GJA5: variants seen among roughly 807,000 people sequenced by gnomAD.
GJA5 encodes gap junction protein alpha 5.
GJA5 carries 3 observed loss-of-function variants against 7.9 expected under a neutral mutation model. The ratio of observed to expected loss-of-function variants is 0.38; its 90% CI spans 0.17 to 0.99. The LOEUF is 0.99. GJA5 is among the 50% of genes least tolerant of loss of function. The pLI is 0.38. For missense variants in GJA5, 390 were observed against 457.9 expected, an observed-to-expected ratio of 0.85 and a Z score of 1.35; for synonymous variants, 193 against 181.0, an observed-to-expected ratio of 1.07 and a Z score of -0.53.
intron 1 of GJA5, among the ~76,000 whole-genome samples, chr1:147,772,860 A>G (rs1241211125): frequency 6.6e-6 from 1 of 151,310 alleles, no homozygotes; most frequent in Non-Finnish European, 1.5e-5. Context: ...TTCCATGCCT[A>G]GCAGAAGCAT....
upstream of GJA5, among the ~76,000 whole-genome samples, chr1:147,762,966 C>T (rs587733422): frequency 6.6e-6 from 1 of 152,372 alleles, no homozygotes; most frequent in South Asian, 2.1e-4. Flanking sequence ...CAATTTACCT[C>T]ACTGCTTTAG....
In GJA5 at chr1:147,758,313, C is replaced by T. The variant is rs1261537063; in HGVS notation, c.926G>A (p.Gly309Glu). Residue 309 changes from glycine (G) to glutamate (E), a missense_variant, in exon 2 of 2, where the codon GGG becomes GAG. By Grantham distance (98) the Gly-to-Glu change is moderately conservative. Coordinates refer to ENST00000579774, the MANE Select transcript of GJA5 (RefSeq NM_181703.4). ...ATAACGAACCTGGATGAAACCTTCC[C>T]CAGGAGTCTGCTCCTGACCTCGTAC... Reference protein sequence around the residue: ...EQVRGQEQTPGEGFIQVRYGQ... With the variant: ...EQVRGQEQTPEEGFIQVRYGQ... 6.2e-7 allele frequency: 1 copy of T among 1,614,140 alleles called. No individual in the cohort carries two copies. The highest frequency in any genetic ancestry group is 2.2e-5 in the East Asian group (1 of 44,868).
rs587752793 is a variant in GJA5, at chr1:147,757,975, C to T, written c.*187G>A. ...GGGAACTGCAGTCTGGGTGGGTTGTCACCTCTCTTACTATCCCAGAGCCCT... is the reference window on the plus strand; with the variant it reads ...GGGAACTGCAGTCTGGGTGGGTTGTTACCTCTCTTACTATCCCAGAGCCCT... On this transcript the variant is annotated 3_prime_UTR_variant, in exon 2 of 2. Transcript: ENST00000579774. 2.1e-4 allele frequency: 127 copies of T among 611,270 alleles called. 1 individual carries two copies. In the African/African-American group the frequency reaches 2.1e-3, roughly 10 times the overall value. 37.9% of individuals were successfully genotyped at this position (611,270 alleles called of 1,614,324 possible). A position where few individuals can be genotyped will look rare whatever the true frequency, so the allele number is the denominator to read the frequency against.
In GJA5 at chr1:147,757,239, G is replaced by A. The variant is rs1285081757; in HGVS notation, c.*923C>T. 6.6e-6 allele frequency: 1 copy of A among 152,222 alleles called. No homozygotes were observed. The highest frequency in any genetic ancestry group is 2.4e-5 in the African/African-American group (1 of 41,452). 9.4% of individuals were successfully genotyped at this position (152,222 alleles called of 1,614,324 possible). A position where few individuals can be genotyped will look rare whatever the true frequency, so the allele number is the denominator to read the frequency against. ...CCTCAGTGGCTGATGATCTGGTCAG[G>A]GTTCGAGAGAGGACAACAGCTTCTT... On this transcript the variant is annotated 3_prime_UTR_variant, in exon 2 of 2. Coordinates refer to ENST00000579774, the MANE Select transcript of GJA5 (RefSeq NM_181703.4).
chr1:147,759,617 C>A (rs1437537934), intron 1 of GJA5, among the ~76,000 whole-genome samples: 4 of 152,186 alleles, frequency 2.6e-5, no homozygotes, highest in Non-Finnish European at 5.9e-5. Context: ...GGATTTACAA[C>A]AAGCAGCCCA....
At chr1:147,762,106 AAGGT>A (rs1370308776), upstream of GJA5, among the ~76,000 whole-genome samples, 7 of 152,216 alleles carry the variant, frequency 4.6e-5, no homozygotes, top group Admixed American at 4.6e-4. Context: ...AACTGAATAA[AAGGT>A]AGCCATTACT....
chr1:147,758,996 C>T lies in GJA5; in HGVS notation c.243G>A (p.Gln81=). 6.2e-7 allele frequency: 1 copy of T among 1,614,240 alleles called. No homozygotes were observed. The highest frequency in any genetic ancestry group is 8.5e-7 in the Non-Finnish European group (1 of 1,180,034). Reference sequence around the variant, plus strand: ...GAGAGGGCGTGGAGACGAAGATGATCTGCAGCACCCAGTAGCGAATGTGGG... The same window carrying T: ...GAGAGGGCGTGGAGACGAAGATGATTTGCAGCACCCAGTAGCGAATGTGGG... ...PISHIRYWVL[Q]IIFVSTPSLV... is the part of the protein sequence containing the mutation. The change falls in exon 2 of 2, where the codon CAG becomes CAA. Residue 81 remains glutamine (Q), a synonymous_variant. Transcript: ENST00000579774.
At chr1:147,771,088 T>C (rs1197845324) in intron 1 of GJA5, among the ~76,000 whole-genome samples, 1 of 152,112 alleles carries the variant, frequency 6.6e-6, no homozygotes, top group Non-Finnish European at 1.5e-5. Context: ...AAACGGCAGG[T>C]CATCCAGTTC....
At position 147,757,317 on chromosome 1, in the gene GJA5, G is replaced by A. The variant is rs1423539550; in HGVS notation, c.*845C>T. The A allele has an allele frequency of 6.6e-6, 1 of 152,360 alleles. No homozygotes were observed. The highest frequency in any genetic ancestry group is 1.5e-5 in the Non-Finnish European group (1 of 68,154). 9.4% of individuals were successfully genotyped at this position (152,360 alleles called of 1,614,324 possible). ...GGAATGGCTGGGTGAACAGCCAAGGGAGAAAGGGAAGGGATGGTTTCTATC... is the reference window on the plus strand; with the variant it reads ...GGAATGGCTGGGTGAACAGCCAAGGAAGAAAGGGAAGGGATGGTTTCTATC... On this transcript the variant is annotated 3_prime_UTR_variant, in exon 2 of 2. Coordinates refer to ENST00000579774, the MANE Select transcript of GJA5 (RefSeq NM_181703.4).
At position 147,758,054 on chromosome 1, in the gene GJA5, G is replaced by A; in HGVS notation, c.*108C>T. The A allele has an allele frequency of 2.4e-6, 2 of 830,832 alleles. No homozygotes were observed. Among genetic ancestry groups the A allele is most frequent in the Non-Finnish European group, 4.2e-6 (2 of 478,824 alleles). 51.5% of individuals were successfully genotyped at this position (830,832 alleles called of 1,614,324 possible). On this transcript the variant is annotated 3_prime_UTR_variant, in exon 2 of 2. Coordinates refer to ENST00000579774, the MANE Select transcript of GJA5 (RefSeq NM_181703.4). ...CGTCATTGAGACCCGGGGCTCAAAG[G>A]AGCCAAGCAGTGATGACAGTGAGAA...
At chr1:147,772,789 G>GAAAAAAAA (rs10687653) in intron 1 of GJA5, among the ~76,000 whole-genome samples, 3 of 125,928 alleles carry the variant, frequency 2.4e-5, no homozygotes, top group Non-Finnish European at 1.6e-5. Flanking sequence ...GCCTTAGGGA[G>GAAAAAAAA]AAAAAAAAAA....
chr1:147,768,899 A>G (rs6703824), intron 1 of GJA5, among the ~76,000 whole-genome samples: 87,179 of 152,070 alleles, frequency 0.57, 24,976 homozygotes, highest in East Asian at 0.69. Flanking sequence ...TCCTCTCTAC[A>G]TCTCTGACAA....
upstream of GJA5, among the ~76,000 whole-genome samples, chr1:147,763,348 A>C (rs879995612): frequency 1.2e-4 from 19 of 152,242 alleles, no homozygotes; most frequent in Non-Finnish European, 2.8e-4. Context: ...GCAGACATTA[A>C]ATACATGATT....
intron 1 of GJA5, among the ~76,000 whole-genome samples, chr1:147,760,055 A>G (rs587622190): frequency 1.3e-5 from 2 of 152,278 alleles, no homozygotes; most frequent in Admixed American, 1.3e-4. Flanking sequence ...TAACAGTATC[A>G]CAGATGAGTG....
upstream of GJA5, among the ~76,000 whole-genome samples, chr1:147,763,504 A>C (rs1399396989): frequency 1.3e-5 from 2 of 152,200 alleles, no homozygotes; most frequent in African/African-American, 4.8e-5. Flanking sequence ...ACAAGTTCTG[A>C]AATCAGCAAG....
chr1:147,762,502 C>T (rs1484567393), upstream of GJA5, among the ~76,000 whole-genome samples: 2 of 152,090 alleles, frequency 1.3e-5, no homozygotes, highest in African/African-American at 4.8e-5. Context: ...AGGTAAAGCA[C>T]AGATACAAGA....
upstream of GJA5, among the ~76,000 whole-genome samples, chr1:147,763,525 A>G (rs1470321647): frequency 6.6e-6 from 1 of 152,172 alleles, no homozygotes; most frequent in Admixed American, 6.5e-5. Context: ...GCAAAAAGAG[A>G]TGGTCCCTAG....
intron 1 of GJA5, among the ~76,000 whole-genome samples, chr1:147,770,021 C>T (rs1664340046): frequency 6.6e-6 from 1 of 151,806 alleles, no homozygotes; most frequent in Non-Finnish European, 1.5e-5. Flanking sequence ...GAAGCAGGCT[C>T]AGTTCTACTT....
Position 147,758,363 on chromosome 1 carries a change from G to A in GJA5, c.876C>T (p.Asn292=). ...PFSNNMASQQ[N]TDNLVTEQVR... ...CTTGCTCGGTGACCAGGTTGTCTGT[G>A]TTTTGTTGGGAGGCCATATTATTGC... The change falls in exon 2 of 2, where the codon AAC becomes AAT. Residue 292 remains asparagine (N), a synonymous_variant. Coordinates refer to ENST00000579774, the MANE Select transcript of GJA5 (RefSeq NM_181703.4). The A allele has an allele frequency of 6.2e-7, 1 of 1,614,162 alleles. No homozygotes were observed. The highest frequency in any genetic ancestry group is 1.1e-5 in the South Asian group (1 of 91,090).
Sources: allele counts gnomAD v4.1 joint callset (sites outside exome capture counted in the v4.1 genomes callset), GRCh38; gene constraint gnomAD v4.1.1; transcripts MANE v1.5; gene names NCBI Gene and HGNC (gene_info 2026-07-23, HGNC 2026-07-21).